Variants in FAM222B observed in about 807,000 individuals in gnomAD.
FAM222B encodes the protein family with sequence similarity 222 member B, also known as protein FAM222B.
Under a neutral mutation model 38.0 loss-of-function variants are expected in FAM222B, and 12 were observed. The observed-to-expected ratio is 0.32, with a 90% CI of 0.20 to 0.51. The LOEUF is 0.51. FAM222B is among the 20% of genes least tolerant of loss of function. FAM222B has a pLI of 0.97. For synonymous variants in FAM222B, 329 were observed against 317.2 expected (o/e 1.04, Z -0.40); for missense variants, 716 against 754.2 (o/e 0.95, Z 0.59).
intron 2 of FAM222B, among the ~76,000 whole-genome samples, chr17:28,765,734 C>T (rs1239834533): frequency 1.3e-5 from 2 of 152,132 alleles, no homozygotes. Context: ...AAAGTTAAGA[C>T]AAGAATCTAA....
intron 1 of FAM222B, among the ~76,000 whole-genome samples, chr17:28,809,740 C>A (rs1321936766): frequency 3.3e-5 from 5 of 152,036 alleles, no homozygotes; most frequent in Middle Eastern, 3.2e-3. Flanking sequence ...CTTTGGGAGG[C>A]CTCTGGGAGG....
At chr17:28,773,227 A>G (rs943872961) in intron 1 of FAM222B, among the ~76,000 whole-genome samples, 4 of 152,070 alleles carry the variant, frequency 2.6e-5, no homozygotes, top group African/African-American at 9.7e-5. Flanking sequence ...TGTAATCCCC[A>G]GCACTTTGGG....
intron 1 of FAM222B, among the ~76,000 whole-genome samples, chr17:28,791,756 T>C (rs1597929536): frequency 2.1e-5 from 3 of 146,268 alleles, no homozygotes; most frequent in Admixed American, 7.1e-5. Flanking sequence ...ACTTTCTGGG[T>C]TCAAGTGATT....
chr17:28,837,007 A>T (rs1338234113), intron 1 of FAM222B, among the ~76,000 whole-genome samples: 1 of 152,060 alleles, frequency 6.6e-6, no homozygotes, highest in East Asian at 1.9e-4. Flanking sequence ...AATCCCAGCT[A>T]CTCAGGAGGA....
At chr17:28,817,138 C>T (rs775580553) in intron 1 of FAM222B, among the ~76,000 whole-genome samples, 1 of 152,018 alleles carries the variant, frequency 6.6e-6, no homozygotes, top group Non-Finnish European at 1.5e-5. Context: ...ATAAGCCCGG[C>T]GCAGTGGCTC....
chr17:28,787,944 C>T (rs2036492377), intron 1 of FAM222B, among the ~76,000 whole-genome samples: 1 of 151,656 alleles, frequency 6.6e-6, no homozygotes, highest in Non-Finnish European at 1.5e-5. Context: ...CCTGCCTCAG[C>T]CTCCCGAGTG....
intron 1 of FAM222B, among the ~76,000 whole-genome samples, chr17:28,806,152 A>G (rs2037488835): frequency 7.0e-6 from 1 of 143,490 alleles, no homozygotes; most frequent in Admixed American, 7.1e-5. Context: ...AACTCCAACT[A>G]AAAAAAAAAA....
At chr17:28,789,220 G>C (rs577072029) in intron 1 of FAM222B, among the ~76,000 whole-genome samples, 12 of 141,902 alleles carry the variant, frequency 8.5e-5, no homozygotes, top group African/African-American at 2.9e-4. Flanking sequence ...TTTTTGAGAT[G>C]GAGTCTCGCT....
chr17:28,758,713 G>A lies in FAM222B; in HGVS notation c.1246C>T (p.Leu416=). 1 of 1,594,896 alleles carries A rather than the reference G, an allele frequency of 6.3e-7. No individual in the cohort carries two copies. The highest frequency in any genetic ancestry group is 8.6e-7 in the Non-Finnish European group (1 of 1,168,722). Residue 416 remains leucine, a synonymous_variant, in exon 3 of 3, where the codon CTG becomes TTG. Coordinates refer to ENST00000581407, the MANE Select transcript of FAM222B (RefSeq NM_001077498.3). ...GGCTTCAGATGGAAGGACTGCGCCA[G>A]GCAGAGTTCCTGCGGGTAGGCAGGG... ...KAPAYPQELC[L]AQSFHLKPPL... is the part of the protein sequence containing the mutation.
chr17:28,824,089 G>A (rs965105372), intron 1 of FAM222B, among the ~76,000 whole-genome samples: 1 of 151,922 alleles, frequency 6.6e-6, no homozygotes, highest in Non-Finnish European at 1.5e-5. Flanking sequence ...GTGTTAGCCA[G>A]GATGGTCTCG....
chr17:28,766,478 G>T, intron 2 of FAM222B, 108 bp downstream of exon 2: 2 of 790,784 alleles, frequency 2.5e-6, no homozygotes, highest in East Asian at 2.8e-5. Flanking sequence ...AAAAAAGAAA[G>T]GTGTCAAAAT....
At chr17:28,816,585 C>T (rs1056151944) in intron 1 of FAM222B, among the ~76,000 whole-genome samples, 1 of 151,618 alleles carries the variant, frequency 6.6e-6, no homozygotes, top group Non-Finnish European at 1.5e-5. Context: ...AACTCTGACA[C>T]TTAATTTACT....
chr17:28,820,204 T>G (rs888216264), intron 1 of FAM222B, among the ~76,000 whole-genome samples: 2 of 152,348 alleles, frequency 1.3e-5, no homozygotes, highest in African/African-American at 4.8e-5. Flanking sequence ...CCTTTTTGGC[T>G]TTTAGACAAC....
chr17:28,812,506 C>T (rs917126757), intron 1 of FAM222B: 2 of 152,250 alleles, frequency 1.3e-5, no homozygotes, highest in Admixed American at 1.3e-4. Flanking sequence ...TTCGCGAGCC[C>T]TCTCCTGTCT....
chr17:28,824,054 T>C (rs2038354047), intron 1 of FAM222B, among the ~76,000 whole-genome samples: 1 of 152,026 alleles, frequency 6.6e-6, no homozygotes, highest in Non-Finnish European at 1.5e-5. Context: ...ATTTTTTGTA[T>C]TTTTAGCAGA....
At chr17:28,774,759 T>C (rs1010530489) in intron 1 of FAM222B, among the ~76,000 whole-genome samples, 1 of 151,794 alleles carries the variant, frequency 6.6e-6, no homozygotes, top group African/African-American at 2.4e-5. Context: ...TGGTCAACCA[T>C]GGTGAAACCC....
Position 28,758,343 on chromosome 17 carries a change from C to A in FAM222B, c.1616G>T (p.Arg539Leu). 6.2e-7 allele frequency: 1 copy of A among 1,612,400 alleles called. No individual in the cohort carries two copies. The highest frequency in any genetic ancestry group is 1.1e-5 in the South Asian group (1 of 90,980). ...ATCGGGGGCTCGGTTGCCAGGGGCT[C>A]GGTGGGCCTTGCTCAGCATGGCCAG... ...QSLAMLSKAH[R>L]APGNRAPDPT... is the part of the protein sequence containing the mutation. The change falls in exon 3 of 3, where the codon CGA becomes CTA. Residue 539 changes from arginine (R) to leucine (L), a missense_variant. Transcript: ENST00000581407.
At chr17:28,771,408 G>A (rs1237883640) in intron 1 of FAM222B, among the ~76,000 whole-genome samples, 2 of 152,156 alleles carry the variant, frequency 1.3e-5, no homozygotes, top group East Asian at 1.9e-4. Context: ...CTGGCTGGGC[G>A]TGGTGGCTCA....
At chr17:28,783,514 A>ATTTTTTTT (rs780468798) in intron 1 of FAM222B, among the ~76,000 whole-genome samples, 1 of 97,192 alleles carries the variant, frequency 1.0e-5, no homozygotes, top group African/African-American at 3.5e-5. Flanking sequence ...CCTTCATGAG[A>ATTTTTTTT]TTTTTTTTTT....
Sources: gnomAD v4.1 joint callset for allele counts (sites outside exome capture counted in the v4.1 genomes callset) on GRCh38, gnomAD v4.1.1 for gene constraint, MANE v1.5 for transcripts, NCBI Gene and HGNC (gene_info 2026-07-23, HGNC 2026-07-21) for gene names.